Variants in PDE1C observed in about 807,000 individuals in gnomAD.
PDE1C encodes dual specificity calcium/calmodulin-dependent 3',5'-cyclic nucleotide phosphodiesterase 1C.
Under a neutral mutation model 93.1 loss-of-function variants are expected in PDE1C, and 62 were observed. The ratio of observed to expected loss-of-function variants is 0.67; its 90% CI spans 0.54 to 0.82. PDE1C has a LOEUF of 0.82. PDE1C is among the 40% of genes least tolerant of loss of function. The pLI, the probability that PDE1C is intolerant of heterozygous loss-of-function variation, is 0.00. For synonymous variants in PDE1C, 325 were observed against 310.1 expected (o/e 1.05, Z -0.50); for missense variants, 742 against 884.6 (o/e 0.84, Z 2.04).
intron 3 of PDE1C, among the ~76,000 whole-genome samples, chr7:32,123,555 G>C (rs1388862071): frequency 6.6e-6 from 1 of 152,048 alleles, no homozygotes; most frequent in Admixed American, 6.6e-5. Context: ...TTAAACATAT[G>C]CAAATAAATA....
At chr7:31,869,610 C>G (rs1216651471) in intron 6 of PDE1C, among the ~76,000 whole-genome samples, 1 of 151,846 alleles carries the variant, frequency 6.6e-6, no homozygotes, top group Non-Finnish European at 1.5e-5. Flanking sequence ...AGTGAAGCAC[C>G]CAGATGTATA....
chr7:32,077,580 A>T (rs912894910), intron 3 of PDE1C, among the ~76,000 whole-genome samples: 11 of 151,786 alleles, frequency 7.2e-5, no homozygotes, highest in Admixed American at 6.6e-4. Context: ...TTATTTATTT[A>T]TTTTTTTTGA....
intron 2 of PDE1C, among the ~76,000 whole-genome samples, chr7:31,885,709 T>G (rs186147442): frequency 6.6e-6 from 1 of 152,140 alleles, no homozygotes; most frequent in Non-Finnish European, 1.5e-5. Flanking sequence ...TTCTTTTTTT[T>G]CCACAAAGAT....
intron 3 of PDE1C, among the ~76,000 whole-genome samples, chr7:32,143,429 T>C (rs1295162933): frequency 6.6e-6 from 1 of 151,552 alleles, no homozygotes; most frequent in African/African-American, 2.4e-5. Context: ...AGAGCAGACA[T>C]CCCATCAGCT....
chr7:31,979,374 T>C (rs1386746664), intron 2 of PDE1C, among the ~76,000 whole-genome samples: 3 of 152,214 alleles, frequency 2.0e-5, no homozygotes, highest in Non-Finnish European at 4.4e-5. Context: ...ATATGGAGGT[T>C]ATAAGAATTA....
intron 2 of PDE1C, among the ~76,000 whole-genome samples, chr7:32,193,277 G>A (rs7799283): frequency 0.071 from 10,769 of 152,130 alleles, 629 homozygotes; most frequent in East Asian, 0.35. Flanking sequence ...TATAAAGTTA[G>A]TTGAAGGTTT....
intron 3 of PDE1C, among the ~76,000 whole-genome samples, chr7:32,109,903 G>A (rs756873785): frequency 6.6e-6 from 1 of 152,078 alleles, no homozygotes; most frequent in Non-Finnish European, 1.5e-5. Context: ...ATGAAACAAA[G>A]AACTCACTTG....
the PDE1C span, among the ~76,000 whole-genome samples, chr7:31,710,729 A>C: frequency 6.6e-6 from 1 of 152,182 alleles, no homozygotes; most frequent in Non-Finnish European, 1.5e-5. Context: ...TGAAAGTGTT[A>C]CTCAAAAATC....
At chr7:31,767,182 T>C (rs1795199566) in intron 17 of PDE1C, among the ~76,000 whole-genome samples, 1 of 152,228 alleles carries the variant, frequency 6.6e-6, no homozygotes, top group South Asian at 2.1e-4. Flanking sequence ...CTGTCTTCCT[T>C]TAGCCTTCTA....
intron 1 of PDE1C, among the ~76,000 whole-genome samples, chr7:32,221,345 C>A (rs956661275): frequency 2.0e-5 from 3 of 152,172 alleles, no homozygotes; most frequent in African/African-American, 4.8e-5. Flanking sequence ...TTGTTTGATT[C>A]TTGGGAGAAG....
At chr7:32,226,965 G>A (rs1807326913) in intron 1 of PDE1C, among the ~76,000 whole-genome samples, 1 of 152,088 alleles carries the variant, frequency 6.6e-6, no homozygotes, top group South Asian at 2.1e-4. Flanking sequence ...GGCACAGGTG[G>A]GCAGCATATT....
chr7:32,281,792 G>A (rs1353882488), intron 1 of PDE1C, among the ~76,000 whole-genome samples: 23 of 152,194 alleles, frequency 1.5e-4, no homozygotes, highest in Admixed American at 1.5e-3. Context: ...ATCAATGATA[G>A]ACTGGATTAA....
At chr7:32,108,300 C>T (rs1335157253) in intron 3 of PDE1C, among the ~76,000 whole-genome samples, 1 of 145,756 alleles carries the variant, frequency 6.9e-6, no homozygotes, top group Non-Finnish European at 1.5e-5. Context: ...GAAACTATCA[C>T]ATTTACCTTC....
In PDE1C at chr7:32,410,510, C is replaced by T. The variant is rs147660316; in HGVS notation, c.310+17312G>A. ...ACTAGCTTCAACAGTTAAAACAGAG[C>T]GGTACTGGCATGGAACAGACAGGTG... On this transcript the variant is annotated intron_variant, in intron 1 of 1. Coordinates refer to the PDE1C transcript ENST00000672256. 3.8e-3 allele frequency among the ~76,000 whole-genome samples: 583 copies of T among 152,166 alleles called. 3 individuals carry two copies. The highest frequency in any genetic ancestry group is 0.013 in the African/African-American group (554 of 41,512).
At chr7:31,971,412 A>T (rs1309115233) in intron 2 of PDE1C, among the ~76,000 whole-genome samples, 1 of 152,168 alleles carries the variant, frequency 6.6e-6, no homozygotes, top group East Asian at 1.9e-4. Flanking sequence ...TGAGTGAGTT[A>T]TTTAGTCATG....
At chr7:32,129,884 C>T (rs1010007928) in intron 3 of PDE1C, among the ~76,000 whole-genome samples, 1 of 152,200 alleles carries the variant, frequency 6.6e-6, no homozygotes, top group Non-Finnish European at 1.5e-5. Flanking sequence ...ACAGAGCACA[C>T]ATTGTTCCAA....
chr7:32,289,972 CAG>C (rs972478080), intron 1 of PDE1C, among the ~76,000 whole-genome samples: 3 of 152,224 alleles, frequency 2.0e-5, no homozygotes, highest in African/African-American at 7.2e-5. Context: ...TACTCCAGGG[CAG>C]AGTCTTGGGT....
At chr7:31,715,395 C>T in the PDE1C span, among the ~76,000 whole-genome samples, 1,007 of 152,210 alleles carry the variant, frequency 6.6e-3, 9 homozygotes, top group African/African-American at 0.023. Context: ...CCCAGCGCCA[C>T]GCCCAGCTAA....
chr7:32,262,377 A>G (rs28709683), intron 1 of PDE1C, among the ~76,000 whole-genome samples: 17,790 of 152,036 alleles, frequency 0.12, 1,195 homozygotes, highest in African/African-American at 0.16. Flanking sequence ...GGTGCTGATT[A>G]CCTTTGAAGG....
Sources: allele counts gnomAD v4.1 joint callset (sites outside exome capture counted in the v4.1 genomes callset), GRCh38; gene constraint gnomAD v4.1.1; transcripts MANE v1.5; gene names NCBI Gene and HGNC (gene_info 2026-07-23, HGNC 2026-07-21).